The following LRRK1 variants were observed in gnomAD, a reference collection of about 807,000 sequenced individuals.
The protein encoded by LRRK1 is leucine rich repeat kinase 1.
Under a neutral mutation model 209.1 loss-of-function variants are expected in LRRK1, and 113 were observed. The ratio of observed to expected loss-of-function variants is 0.54; its 90% CI spans 0.46 to 0.63. The LOEUF (loss-of-function observed/expected upper bound fraction) is 0.63. LRRK1 is among the 30% of genes least tolerant of loss of function. LRRK1 has a pLI of 0.00. For synonymous variants in LRRK1, 1,144 were observed against 1,099.7 expected (o/e 1.04, Z -0.80); for missense variants, 2,284 against 2,632.2 (o/e 0.87, Z 2.89).
chr15:101,049,940 C>T (rs2035309863), intron 23 of LRRK1, among the ~76,000 whole-genome samples, 157 bp downstream of exon 23: 4 of 152,122 alleles, frequency 2.6e-5, no homozygotes, highest in Non-Finnish European at 5.9e-5. Context: ...TCCTGGCCCC[C>T]GAGAAGTCCA....
chr15:101,011,508 C>G (rs903661065), intron 9 of LRRK1, among the ~76,000 whole-genome samples: 1 of 150,388 alleles, frequency 6.6e-6, no homozygotes, highest in Non-Finnish European at 1.5e-5. Context: ...AATCTGCACT[C>G]GTAGCACTGC....
Position 101,021,178 on chromosome 15 carries a change from G to A in LRRK1, c.1735G>A (p.Gly579Arg). The change falls in exon 13 of 34, where the codon GGA becomes AGA. Residue 579 changes from glycine to arginine, a missense_variant. Transcript: ENST00000388948. ...GAAGAGCTTATCAGAGCTCTACTTG[G>A]GAAAGTAAGTACACATCTGGAGGGG... ...LLKSLSELYLGNNPGLRELPP... is the reference protein window; with the variant it reads ...LLKSLSELYLRNNPGLRELPP... The A allele has an allele frequency of 6.2e-7, 1 of 1,613,990 alleles. No homozygotes were observed. The highest frequency in any genetic ancestry group is 8.5e-7 in the Non-Finnish European group (1 of 1,179,928).
intron 2 of LRRK1, among the ~76,000 whole-genome samples, chr15:100,956,712 C>G (rs67112716): frequency 0.091 from 13,785 of 151,990 alleles, 707 homozygotes; most frequent in Non-Finnish European, 0.12. Context: ...ATCTGCACTC[C>G]TTGGCCTCCC....
chr15:101,024,783 C>T lies in LRRK1; in HGVS notation c.2068-20C>T. 1 of 1,602,126 alleles carries T rather than the reference C, an allele frequency of 6.2e-7. No homozygotes were observed. Among genetic ancestry groups the T allele is most frequent in the Non-Finnish European group, 8.5e-7 (1 of 1,170,102 alleles). The stretch of plus-strand genomic sequence containing the variant: ...TTGTCTCTAAAATGCCTCCCTGTCG[C>T]TGCCTTGTTGCTCAAGTAGGTTGAG... On this transcript the variant is annotated intron_variant, in intron 15 of 33. Transcript: ENST00000388948. The surrounding 1 kb of genome is among the most constrained non-coding windows in gnomAD (Gnocchi z 4.6).
rs2141128522 is a variant in LRRK1 at position 101,049,710 on chromosome 15, A to G, written c.3366A>G (p.Ser1122=). Residue 1122 remains serine, a synonymous_variant, in exon 23 of 34, where the codon TCA becomes TCG. Coordinates refer to ENST00000388948, the MANE Select transcript of LRRK1 (RefSeq NM_024652.6). ...KSGGMKIVCQ[S]EVRDFSAMAF... ...GAGGAATGAAAATTGTTTGCCAATCAGAAGTGAGGGACTTCTCAGCCATGG... is the reference window on the plus strand; with the variant it reads ...GAGGAATGAAAATTGTTTGCCAATCGGAAGTGAGGGACTTCTCAGCCATGG... The G allele has an allele frequency of 2.5e-6, 4 of 1,614,192 alleles. No individual in the cohort carries two copies. The highest frequency in any genetic ancestry group is 3.4e-6 in the Non-Finnish European group (4 of 1,180,012).
chr15:100,973,800 G>T lies in LRRK1; in HGVS notation c.98-4G>T, dbSNP rs2031111828. On this transcript the variant is annotated splice_region_variant and splice_polypyrimidine_tract_variant and intron_variant, in intron 2 of 33. Transcript: ENST00000388948. Reference sequence around the variant, plus strand: ...GCCGTGTGTGTGTGCTTCCTCCCGCGCAGGTGCCGGGGACACGGGCGGCAA... The same window carrying T: ...GCCGTGTGTGTGTGCTTCCTCCCGCTCAGGTGCCGGGGACACGGGCGGCAA... The T allele has an allele frequency of 1.6e-6, 2 of 1,282,420 alleles. No individual in the cohort carries two copies. Among genetic ancestry groups the T allele is most frequent in the African/African-American group, 3.1e-5 (2 of 64,702 alleles). The allele number at this position is 1,282,420 out of a possible 1,614,324, so 79.4% of individuals were successfully genotyped here.
intron 6 of LRRK1, among the ~76,000 whole-genome samples, chr15:101,004,204 C>T (rs980658673): frequency 2.0e-5 from 3 of 152,158 alleles, no homozygotes. Context: ...CGCTATAGAT[C>T]AGAGGCTGCT....
chr15:100,962,820 T>TATACATATATATATATAC (rs1567202910), intron 2 of LRRK1, among the ~76,000 whole-genome samples: 1 of 27,494 alleles, frequency 3.6e-5, no homozygotes, highest in Non-Finnish European at 8.0e-5. Context: ...TATATATATA[T>TATACATATATATATATAC]ATATTTTTTT....
intron 12 of LRRK1, among the ~76,000 whole-genome samples, chr15:101,019,450 G>T (rs919686747): frequency 6.6e-6 from 1 of 152,122 alleles, no homozygotes; most frequent in South Asian, 2.1e-4. Context: ...TTAGAAGGCC[G>T]GTGCACCTTT....
At chr15:101,010,878 C>T in intron 9 of LRRK1, 41 bp downstream of exon 9, 1 of 1,582,640 alleles carries the variant, frequency 6.3e-7, no homozygotes, top group African/African-American at 1.4e-5. Flanking sequence ...ACAGTCAACT[C>T]TGCCTCTCAG....
At position 101,051,908 on chromosome 15, in the gene LRRK1, G is replaced by A. The variant is rs199624259; in HGVS notation, c.3637G>A (p.Val1213Met). 1.1e-4 allele frequency: 181 copies of A among 1,613,956 alleles called. No individual in the cohort carries two copies. In the African/African-American group the frequency reaches 1.7e-3, roughly 15 times the overall value. The change falls in exon 24 of 34, where the codon GTG becomes ATG. Residue 1213 changes from valine to methionine, a missense_variant. By Grantham distance (21) the Val-to-Met change is conservative. Transcript: ENST00000388948. ...ISCPRHPDLP[V>M]PLQELVPELF... Reference sequence around the variant, plus strand: ...CTGCCCCAGACACCCGGACCTCCCCGTGCCGCTGCAGGAGCTGGTCCCTGA... The same window carrying A: ...CTGCCCCAGACACCCGGACCTCCCCATGCCGCTGCAGGAGCTGGTCCCTGA...
chr15:101,058,618 G>GC (rs1555479981), intron 29 of LRRK1, among the ~76,000 whole-genome samples: 3,195 of 11,226 alleles, frequency 0.28, 718 homozygotes, highest in Admixed American at 0.32. Flanking sequence ...AAGGGGCAAC[G>GC]GGGGGGGGCG....
In LRRK1 at chr15:100,962,823, A is replaced by ATT. The variant is rs1161979293; in HGVS notation, c.98-10965_98-10964dup. On this transcript the variant is annotated intron_variant, in intron 2 of 33. Transcript: ENST00000388948. ...TATATATATATATATATATATATATATTTTTTTTTTTTTTTTTGAGATGGA... is the reference window on the plus strand; with the variant it reads ...TATATATATATATATATATATATATATTTTTTTTTTTTTTTTTTTGAGATGGA... Among the ~76,000 whole-genome samples, 18 of 11,544 alleles carry ATT rather than the reference A, an allele frequency of 1.6e-3. 1 individual carries two copies. The highest frequency in any genetic ancestry group is 3.5e-3 in the African/African-American group (14 of 3,962). 7.6% of individuals were successfully genotyped at this position (11,544 alleles called of 152,430 possible).
chr15:101,027,243 G>T lies in LRRK1; in HGVS notation c.2406-18G>T. The T allele has an allele frequency of 6.2e-7, 1 of 1,613,800 alleles. No homozygotes were observed. Among genetic ancestry groups the T allele is most frequent in the Non-Finnish European group, 8.5e-7 (1 of 1,179,874 alleles). ...GGAGTGGGGCATGATGAGTAAAGAC[G>T]GGTCTTTTTGCTCACAGTGAGATTT... On this transcript the variant is annotated intron_variant, in intron 17 of 33. Transcript: ENST00000388948. The surrounding 1 kb of genome is among the most constrained non-coding windows in gnomAD (Gnocchi z 5.1).
At chr15:100,948,393 A>G (rs2042583010) in intron 2 of LRRK1, among the ~76,000 whole-genome samples, 1 of 152,228 alleles carries the variant, frequency 6.6e-6, no homozygotes, top group African/African-American at 2.4e-5. Context: ...CACGGAGGTC[A>G]TGAAAGGGAT....
At position 100,981,307 on chromosome 15, in the gene LRRK1, G is replaced by A. The variant is rs140116337; in HGVS notation, c.262-2221G>A. On this transcript the variant is annotated intron_variant, in intron 3 of 33. Transcript: ENST00000388948. ...CGAGTCTAGACAGCTGTTAGTTGTGGGCAGTGAAGCATTTAATCAATCACT... is the reference window on the plus strand; with the variant it reads ...CGAGTCTAGACAGCTGTTAGTTGTGAGCAGTGAAGCATTTAATCAATCACT... Among the ~76,000 whole-genome samples, 175 of 152,292 alleles carry A rather than the reference G, an allele frequency of 1.1e-3. 1 individual carries two copies. The highest frequency in any genetic ancestry group is 4.0e-3 in the African/African-American group (167 of 41,550).
Position 101,058,006 on chromosome 15 carries a change from C to T in LRRK1, c.4544C>T (p.Ser1515Leu). The part of the protein sequence containing the change: ...TKPEKRPLAL[S>L]VVSQMKDPTF... Reference sequence around the variant, plus strand: ...CTCCCTCAGCGACCGCTGGCCCTGTCGGTGGTGAGCCAGATGAAGGACCCG... The same window carrying T: ...CTCCCTCAGCGACCGCTGGCCCTGTTGGTGGTGAGCCAGATGAAGGACCCG... Residue 1515 changes from serine (S) to leucine (L), a missense_variant, in exon 29 of 34, where the codon TCG becomes TTG. By Grantham distance (145) the Ser-to-Leu change is moderately radical. Around this residue, in one of 6 missense-constraint regions of LRRK1, gnomAD observed 643 missense variants for 695.9 expected, o/e 0.92. Transcript: ENST00000388948. The T allele has an allele frequency of 3.7e-6, 6 of 1,614,136 alleles. No individual in the cohort carries two copies. Among genetic ancestry groups the T allele is most frequent in the South Asian group, 2.2e-5 (2 of 91,062 alleles).
At chr15:101,006,750 G>T (rs1195577443) in intron 6 of LRRK1, among the ~76,000 whole-genome samples, 1 of 152,252 alleles carries the variant, frequency 6.6e-6, no homozygotes, top group Non-Finnish European at 1.5e-5. Context: ...TTTGTGTGGA[G>T]AAAGAGGGGC....
chr15:101,041,743 C>T (rs12592627), intron 20 of LRRK1, among the ~76,000 whole-genome samples: 14,068 of 152,212 alleles, frequency 0.092, 942 homozygotes, highest in East Asian at 0.29. Flanking sequence ...TCCAGACCCC[C>T]GTGGATGCCT....
Sources: gnomAD v4.1 joint callset for allele counts (sites outside exome capture counted in the v4.1 genomes callset) on GRCh38, gnomAD v4.1.1 for gene constraint, gnomAD v4.1.1 regional missense constraint, Gnocchi (gnomAD v3.1) non-coding constraint, MANE v1.5 for transcripts, NCBI Gene and HGNC (gene_info 2026-07-23, HGNC 2026-07-21) for gene names.